The following CLDN16 variants were observed in gnomAD, a reference collection of about 807,000 sequenced individuals.
CLDN16 encodes the protein claudin 16.
Under a neutral mutation model 24.6 loss-of-function variants are expected in CLDN16, and 13 were observed. That is an observed-to-expected ratio of 0.53 (90% confidence interval 0.34 to 0.84). The LOEUF (loss-of-function observed/expected upper bound fraction) is 0.84. CLDN16 is among the 40% of genes least tolerant of loss of function. The probability of loss-of-function intolerance (pLI) is 0.01; values close to 1 mark genes in which losing one functional copy is unlikely to be tolerated. For missense variants in CLDN16, 298 were observed against 292.7 expected, an observed-to-expected ratio of 1.02 and a Z score of -0.13; for synonymous variants, 116 against 106.7, an observed-to-expected ratio of 1.09 and a Z score of -0.54.
intron 1 of CLDN16, among the ~76,000 whole-genome samples, chr3:190,333,783 C>A (rs1717237170): frequency 1.3e-5 from 2 of 152,040 alleles, no homozygotes; most frequent in African/African-American, 4.8e-5. Context: ...TTTACTCATT[C>A]AATCATTTAT....
At chr3:190,409,430 ATAAC>A (rs988882372) in intron 4 of CLDN16, among the ~76,000 whole-genome samples, 2 of 151,862 alleles carry the variant, frequency 1.3e-5, no homozygotes, top group Non-Finnish European at 2.9e-5. Flanking sequence ...ATACATTAAA[ATAAC>A]TATTATACAT....
intron 4 of CLDN16, 144 bp from the exon 5 acceptor site, chr3:190,409,759 T>C: frequency 1.3e-6 from 1 of 744,854 alleles, no homozygotes; most frequent in Non-Finnish European, 2.2e-6. Context: ...AATTGTCTTC[T>C]AGGATTCTTC....
chr3:190,341,061 C>T (rs1717417178), intron 1 of CLDN16, among the ~76,000 whole-genome samples: 1 of 152,184 alleles, frequency 6.6e-6, no homozygotes, highest in Non-Finnish European at 1.5e-5. Flanking sequence ...CCTCCAGCTG[C>T]TTTCATGGGC....
chr3:190,409,657 G>A (rs1045868885), intron 4 of CLDN16, among the ~76,000 whole-genome samples: 3 of 151,422 alleles, frequency 2.0e-5, no homozygotes, highest in East Asian at 1.9e-4. Context: ...AAAACTAAGG[G>A]AATACCTCTC....
At chr3:190,348,098 A>C (rs950754588) in intron 1 of CLDN16, among the ~76,000 whole-genome samples, 2 of 150,438 alleles carry the variant, frequency 1.3e-5, no homozygotes, top group African/African-American at 4.9e-5. Flanking sequence ...AAAAAAAAAA[A>C]AAAAAAAATT....
At chr3:190,328,486 T>C (rs1255022954) in intron 1 of CLDN16, among the ~76,000 whole-genome samples, 2 of 152,154 alleles carry the variant, frequency 1.3e-5, no homozygotes, top group Non-Finnish European at 2.9e-5. Flanking sequence ...TTGAAGTCAC[T>C]TATGGATAAT....
At chr3:190,303,132 CA>C in the CLDN16 span, among the ~76,000 whole-genome samples, 11 of 152,176 alleles carry the variant, frequency 7.2e-5, no homozygotes, top group Non-Finnish European at 1.0e-4. Context: ...AAAATTATCA[CA>C]AAAAATAATT....
chr3:190,314,068 T>C, the CLDN16 span, among the ~76,000 whole-genome samples: 1 of 152,232 alleles, frequency 6.6e-6, no homozygotes, highest in Non-Finnish European at 1.5e-5. Context: ...TTTTTAGCTT[T>C]AACAAACTGT....
At chr3:190,396,612 C>T (rs191583643) in intron 1 of CLDN16, among the ~76,000 whole-genome samples, 3 of 152,136 alleles carry the variant, frequency 2.0e-5, no homozygotes, top group East Asian at 1.9e-4. Context: ...TTAATATAGT[C>T]GGCATGTTGA....
At chr3:190,398,090 A>C (rs1485925179) in intron 1 of CLDN16, among the ~76,000 whole-genome samples, 2 of 152,190 alleles carry the variant, frequency 1.3e-5, no homozygotes, top group African/African-American at 4.8e-5. Flanking sequence ...GCTTGAGCTA[A>C]AGTGAACTGG....
intron 1 of CLDN16, among the ~76,000 whole-genome samples, chr3:190,342,817 G>C (rs187497068): frequency 1.3e-5 from 2 of 152,026 alleles, no homozygotes; most frequent in African/African-American, 4.8e-5. Context: ...ATTTAGAATG[G>C]ATTAAAGACT....
chr3:190,364,191 A>G (rs1213949163), intron 1 of CLDN16, among the ~76,000 whole-genome samples: 1 of 151,900 alleles, frequency 6.6e-6, no homozygotes, highest in East Asian at 1.9e-4. Context: ...GTTGAGGGAG[A>G]TGTAGCAGTA....
At chr3:190,378,756 T>C (rs1271377706) in intron 3 of CLDN16, among the ~76,000 whole-genome samples, 2 of 152,022 alleles carry the variant, frequency 1.3e-5, no homozygotes, top group Non-Finnish European at 2.9e-5. Flanking sequence ...CTCATCTACA[T>C]TGGCTTTTGT....
chr3:190,373,111 G>A (rs1413273297), intron 2 of CLDN16, among the ~76,000 whole-genome samples: 1 of 151,898 alleles, frequency 6.6e-6, no homozygotes, highest in Non-Finnish European at 1.5e-5. Context: ...TAGCATTTAG[G>A]AAATCCAATT....
Position 190,399,454 on chromosome 3 carries a change from G to A in CLDN16, c.115-2883G>A, listed in dbSNP as rs558821254. 2.6e-5 allele frequency among the ~76,000 whole-genome samples: 4 copies of A among 152,280 alleles called. No homozygotes were observed. In the East Asian group the frequency reaches 7.7e-4, roughly 29 times the overall value. On this transcript the variant is annotated intron_variant, in intron 1 of 4. Coordinates refer to ENST00000264734, the MANE Select transcript of CLDN16 (RefSeq NM_006580.4). ...TTGAACCCAGAAGGTGGAGGTTGCC[G>A]TGAGCCGATCGCGCCATTGCACTCC...
upstream of CLDN16, among the ~76,000 whole-genome samples, chr3:190,320,188 T>C (rs910646938): frequency 5.9e-5 from 9 of 152,210 alleles, no homozygotes; most frequent in Admixed American, 5.2e-4. Context: ...GATGATCCAT[T>C]TGAGTATTTA....
intron 1 of CLDN16, among the ~76,000 whole-genome samples, chr3:190,329,753 A>C (rs1462661561): frequency 6.6e-6 from 1 of 152,140 alleles, no homozygotes; most frequent in African/African-American, 2.4e-5. Context: ...GGTTTAAAGG[A>C]GGAATAATAC....
chr3:190,327,055 GGAGA>G (rs559518688), intron 1 of CLDN16, among the ~76,000 whole-genome samples: 1 of 151,422 alleles, frequency 6.6e-6, no homozygotes. Context: ...TGGAGAGAGA[GGAGA>G]GAGAGAGAGA....
chr3:190,374,269 TTGTGTGTG>T lies in CLDN16; in HGVS notation n.231-222_231-215del, dbSNP rs3220823. Reference sequence around the variant, plus strand: ...ATTTTCCTTCCAGCCCTGAAAAACATTGTGTGTGTGTGTGTGTGTGTGTGTGTGTGTGT... The same window carrying T: ...ATTTTCCTTCCAGCCCTGAAAAACATTGTGTGTGTGTGTGTGTGTGTGTGT... On this transcript the variant is annotated intron_variant and non_coding_transcript_variant, in intron 2 of 4. Transcript: ENST00000468220. 9.2e-3 allele frequency among the ~76,000 whole-genome samples: 1,279 copies of T among 139,378 alleles called. 13 individuals carry two copies. Among genetic ancestry groups the T allele is most frequent in the African/African-American group, 0.029 (1,068 of 37,104 alleles). The allele number at this position is 139,378 out of a possible 152,430, so 91.4% of individuals were successfully genotyped here.
Sources: gnomAD v4.1 joint callset for allele counts (sites outside exome capture counted in the v4.1 genomes callset) on GRCh38, gnomAD v4.1.1 for gene constraint, MANE v1.5 for transcripts, NCBI Gene and HGNC (gene_info 2026-07-23, HGNC 2026-07-21) for gene names.